IGSF21: variants seen among roughly 807,000 people sequenced by gnomAD.
The protein encoded by IGSF21 is immunoglobin superfamily member 21, also known as immunoglobulin superfamily member 21.
In IGSF21, 28 loss-of-function variants were observed where a neutral mutation model predicts 46.8. The observed-to-expected ratio is 0.60, with a 90% CI of 0.44 to 0.82. The LOEUF is 0.82. IGSF21 is among the 40% of genes least tolerant of loss of function. IGSF21 has a pLI of 0.00. For missense variants in IGSF21, 624 were observed against 665.5 expected (o/e 0.94, Z 0.69); for synonymous variants, 284 against 273.6 (o/e 1.04, Z -0.38).
chr1:18,263,770 C>T (rs2124539201), intron 2 of IGSF21, among the ~76,000 whole-genome samples: 1 of 152,126 alleles, frequency 6.6e-6, no homozygotes, highest in East Asian at 1.9e-4. Flanking sequence ...CCACTGCATG[C>T]TCATCCCCCC....
In IGSF21 at chr1:18,365,264, C is replaced by G. The variant is rs954268146; in HGVS notation, c.582C>G (p.Pro194=). 6 of 1,613,280 alleles carry G rather than the reference C, an allele frequency of 3.7e-6. No homozygotes were observed. The highest frequency in any genetic ancestry group is 5.1e-6 in the Non-Finnish European group (6 of 1,179,506). ...ATGGGGAACCAATCGACGCAGTGCC[C>G]CTATCAGAGCCACCAGCTGCGAGCT... is the stretch of plus-strand genomic sequence containing the variant. ...KRDGEPIDAV[P]LSEPPAASSG... The change falls in exon 6 of 10, where the codon CCC becomes CCG. Residue 194 remains proline (P), a synonymous_variant. Transcript: ENST00000251296. The surrounding 1 kb of genome is among the most constrained non-coding windows in gnomAD (Gnocchi z 4.8).
intron 1 of IGSF21, among the ~76,000 whole-genome samples, chr1:18,140,015 C>T (rs564532284): frequency 1.8e-3 from 279 of 152,292 alleles, no homozygotes; most frequent in Non-Finnish European, 3.4e-3. Flanking sequence ...GGTGCGATCA[C>T]GGCTCACTGC....
At chr1:18,308,605 T>C (rs2085451179) in intron 3 of IGSF21, among the ~76,000 whole-genome samples, 1 of 152,142 alleles carries the variant, frequency 6.6e-6, no homozygotes, top group Non-Finnish European at 1.5e-5. Context: ...AGACATGTAA[T>C]GAGGCAGTTA....
intron 1 of IGSF21, among the ~76,000 whole-genome samples, chr1:18,149,761 T>C (rs547382811): frequency 2.6e-4 from 40 of 152,196 alleles, no homozygotes; most frequent in African/African-American, 8.7e-4. Flanking sequence ...TTTTCGGCTT[T>C]GTGACCTTGG....
intron 1 of IGSF21, among the ~76,000 whole-genome samples, chr1:18,177,405 G>GGGGTCAGTGAGGTA (rs1490202037): frequency 2.0e-5 from 3 of 146,508 alleles, no homozygotes; most frequent in Admixed American, 6.7e-5. Flanking sequence ...GTGTGTGTGT[G>GGGGTCAGTGAGGTA]TGTGTGTGTG....
intron 1 of IGSF21, among the ~76,000 whole-genome samples, chr1:18,191,659 C>T (rs1008147473): frequency 1.3e-5 from 2 of 152,060 alleles, no homozygotes; most frequent in Non-Finnish European, 2.9e-5. Context: ...AAGCCGGGCC[C>T]ATCTGGCTCT....
At chr1:18,277,846 T>A (rs1470025894) in intron 2 of IGSF21, among the ~76,000 whole-genome samples, 1 of 152,158 alleles carries the variant, frequency 6.6e-6, no homozygotes, top group South Asian at 2.1e-4. Context: ...CAGATTAGAA[T>A]AACGATCATC....
chr1:18,300,517 G>A (rs2085350647), intron 3 of IGSF21, among the ~76,000 whole-genome samples: 1 of 152,158 alleles, frequency 6.6e-6, no homozygotes, highest in Non-Finnish European at 1.5e-5. Flanking sequence ...CATTCCCTGA[G>A]GCCAGAGTGA....
chr1:18,118,596 G>A (rs1176520936), intron 1 of IGSF21, among the ~76,000 whole-genome samples: 1 of 152,234 alleles, frequency 6.6e-6, no homozygotes, highest in African/African-American at 2.4e-5. Context: ...AAGGAGTGAG[G>A]TGGGGGGCGG....
At chr1:18,288,898 G>A (rs6603893) in intron 2 of IGSF21, among the ~76,000 whole-genome samples, 105,143 of 152,182 alleles carry the variant, frequency 0.69, 40,140 homozygotes, top group East Asian at 0.97. Context: ...GGCTGACAGT[G>A]AGGCCCTGAC....
At chr1:18,122,936 A>G (rs2086247989) in intron 1 of IGSF21, among the ~76,000 whole-genome samples, 1 of 151,882 alleles carries the variant, frequency 6.6e-6, no homozygotes, top group African/African-American at 2.4e-5. Context: ...CAGATTTTTT[A>G]TTAATTCATA....
intron 1 of IGSF21, among the ~76,000 whole-genome samples, chr1:18,211,763 A>G (rs1179628244): frequency 1.3e-5 from 2 of 152,230 alleles, no homozygotes; most frequent in African/African-American, 2.4e-5. Context: ...CTTTTAAAAT[A>G]TTCCTTAATA....
chr1:18,365,789 T>A lies in IGSF21; in HGVS notation c.1015+92T>A. ...AGGGTTCCTGGGCTGAGGACAGCCA[T>A]GGAAAGGGGGAGGAGATGGAGCAAA... On this transcript the variant is annotated intron_variant, in intron 6 of 9. Transcript: ENST00000251296. The surrounding 1 kb of genome is among the most constrained non-coding windows in gnomAD (Gnocchi z 4.8). 9.2e-7 allele frequency: 1 copy of A among 1,082,742 alleles called. No homozygotes were observed. Among genetic ancestry groups the A allele is most frequent in the Non-Finnish European group, 1.3e-6 (1 of 755,218 alleles). 67.1% of individuals were successfully genotyped at this position (1,082,742 alleles called of 1,614,324 possible). A position where few individuals can be genotyped will look rare whatever the true frequency, so the allele number is the denominator to read the frequency against.
intron 2 of IGSF21, among the ~76,000 whole-genome samples, chr1:18,243,984 G>A (rs1407708803): frequency 6.6e-6 from 1 of 152,158 alleles, no homozygotes; most frequent in Non-Finnish European, 1.5e-5. Context: ...TGACCTCGTG[G>A]AGGGCCATGA....
At chr1:18,155,695 A>T (rs538809313) in intron 1 of IGSF21, among the ~76,000 whole-genome samples, 2 of 152,356 alleles carry the variant, frequency 1.3e-5, no homozygotes, top group East Asian at 1.9e-4. Flanking sequence ...AAAGACAGCC[A>T]GGCTTGGGGA....
chr1:18,157,961 T>G (rs568582841), intron 1 of IGSF21, among the ~76,000 whole-genome samples: 87 of 152,240 alleles, frequency 5.7e-4, no homozygotes, highest in African/African-American at 2.0e-3. Flanking sequence ...ACACCTCCCG[T>G]CAGCCAGACC....
intron 2 of IGSF21, among the ~76,000 whole-genome samples, chr1:18,284,543 C>G (rs1261143570): frequency 6.6e-6 from 1 of 152,172 alleles, no homozygotes; most frequent in Non-Finnish European, 1.5e-5. Flanking sequence ...ATGTTTGTTT[C>G]TTTTAGTATT....
At chr1:18,111,191 TCTC>T (rs1034053499) in intron 1 of IGSF21, 4 of 152,156 alleles carry the variant, frequency 2.6e-5, no homozygotes, top group African/African-American at 7.2e-5. Context: ...CAGGGTTTCT[TCTC>T]CAGCCCCAAC....
At chr1:18,147,229 C>T (rs1400387583) in intron 1 of IGSF21, among the ~76,000 whole-genome samples, 2 of 152,204 alleles carry the variant, frequency 1.3e-5, no homozygotes, top group Non-Finnish European at 2.9e-5. Context: ...CCTCCAAGGT[C>T]TGCCATCGTG....
Sources: gnomAD v4.1 joint callset for allele counts (sites outside exome capture counted in the v4.1 genomes callset) on GRCh38, gnomAD v4.1.1 for gene constraint, Gnocchi (gnomAD v3.1) non-coding constraint, MANE v1.5 for transcripts, NCBI Gene and HGNC (gene_info 2026-07-23, HGNC 2026-07-21) for gene names.